The following CSMD1 variants were observed in gnomAD, a reference collection of about 807,000 sequenced individuals.
CSMD1 encodes the protein CUB and Sushi multiple domains 1, also known as CUB and sushi domain-containing protein 1.
In CSMD1, 213 loss-of-function variants were observed where a neutral mutation model predicts 417.5. The ratio of observed to expected loss-of-function variants is 0.51; its 90% CI spans 0.46 to 0.57. The LOEUF is 0.57. Ranked by LOEUF, CSMD1 falls within the 20% of genes least tolerant of loss-of-function variation. The pLI, the probability that CSMD1 is intolerant of heterozygous loss-of-function variation, is 0.00. For missense variants in CSMD1, 6,923 were observed against 4,529.7 expected (o/e 1.53, Z -15.17); for synonymous variants, 2,862 against 1,736.8 (o/e 1.65, Z -16.11).
At chr8:4,514,769 G>C (rs528800397) in intron 2 of CSMD1, among the ~76,000 whole-genome samples, 27 of 152,112 alleles carry the variant, frequency 1.8e-4, no homozygotes, top group South Asian at 4.1e-4. Flanking sequence ...GAATAAAGAA[G>C]ATACACACTC....
intron 7 of CSMD1, among the ~76,000 whole-genome samples, chr8:3,706,528 G>A (rs1469590690): frequency 6.6e-6 from 1 of 152,134 alleles, no homozygotes; most frequent in East Asian, 1.9e-4. Flanking sequence ...AGGACAGAAC[G>A]CTAATACCAA....
At chr8:4,220,110 C>T (rs1800937766) in intron 3 of CSMD1, among the ~76,000 whole-genome samples, 1 of 152,118 alleles carries the variant, frequency 6.6e-6, no homozygotes, top group Admixed American at 6.5e-5. Flanking sequence ...CCACCATGCC[C>T]AGCTGATTTT....
At chr8:3,030,069 C>G (rs544690892) in intron 50 of CSMD1, among the ~76,000 whole-genome samples, 1 of 152,064 alleles carries the variant, frequency 6.6e-6, no homozygotes, top group African/African-American at 2.4e-5. Flanking sequence ...TTTAACAAGT[C>G]TTAAAGGAGA....
At chr8:3,690,025 C>G (rs1452335266) in intron 7 of CSMD1, among the ~76,000 whole-genome samples, 5 of 152,216 alleles carry the variant, frequency 3.3e-5, no homozygotes, top group Admixed American at 3.3e-4. Flanking sequence ...AAATGGAGTT[C>G]TTGCTTTAGC....
rs563504524 is a variant in CSMD1, at chr8:4,348,727, G to C, written c.415+71226C>G. On this transcript the variant is annotated intron_variant, in intron 3 of 69. Coordinates refer to ENST00000635120, the MANE Select transcript of CSMD1 (RefSeq NM_033225.6). ...TTTATACCAGGAGAATTTGATCTTC[G>C]TCTTTAGGAAGACCGTGAGTTAAAA... is the stretch of plus-strand genomic sequence containing the variant. 5.2e-4 allele frequency among the ~76,000 whole-genome samples: 79 copies of C among 151,958 alleles called. 1 individual carries two copies. In the South Asian group the frequency reaches 0.016, roughly 31 times the overall value.
intron 26 of CSMD1, among the ~76,000 whole-genome samples, chr8:3,248,894 A>G (rs560439945): frequency 2.0e-5 from 3 of 152,196 alleles, no homozygotes; most frequent in South Asian, 4.1e-4. Context: ...CCGCAGCTCT[A>G]TGATAAATGC....
intron 3 of CSMD1, among the ~76,000 whole-genome samples, chr8:4,282,587 C>A (rs1585153649): frequency 6.6e-6 from 1 of 152,170 alleles, no homozygotes; most frequent in Non-Finnish European, 1.5e-5. Context: ...ATGAATTGAT[C>A]TTAGAAGATT....
At chr8:3,362,854 C>T (rs1263979393) in intron 20 of CSMD1, among the ~76,000 whole-genome samples, 1 of 152,178 alleles carries the variant, frequency 6.6e-6, no homozygotes, top group Non-Finnish European at 1.5e-5. Flanking sequence ...GTCTCAGCTT[C>T]CATCTTGCAT....
At chr8:3,710,098 T>C (rs559059039) in intron 6 of CSMD1, among the ~76,000 whole-genome samples, 18 of 150,918 alleles carry the variant, frequency 1.2e-4, no homozygotes, top group Non-Finnish European at 1.9e-4. Flanking sequence ...CTACATATAT[T>C]TTACGCATTC....
chr8:4,037,118 T>G (rs548098839), intron 3 of CSMD1, among the ~76,000 whole-genome samples: 7 of 152,240 alleles, frequency 4.6e-5, no homozygotes, highest in African/African-American at 1.7e-4. Flanking sequence ...ATTTTACTTG[T>G]TTTTATTAAT....
chr8:4,238,724 T>C (rs1383915217), intron 3 of CSMD1, among the ~76,000 whole-genome samples: 3 of 152,184 alleles, frequency 2.0e-5, no homozygotes, highest in Admixed American at 6.5e-5. Flanking sequence ...GTCAATATTA[T>C]CCTTCTCTTG....
At chr8:3,472,195 C>T (rs554274877) in intron 11 of CSMD1, among the ~76,000 whole-genome samples, 1 of 152,220 alleles carries the variant, frequency 6.6e-6, no homozygotes, top group South Asian at 2.1e-4. Flanking sequence ...CTCCACTCTA[C>T]TGCAAGGTAT....
At chr8:4,367,744 G>A (rs1242345835) in intron 3 of CSMD1, among the ~76,000 whole-genome samples, 1 of 152,110 alleles carries the variant, frequency 6.6e-6, no homozygotes, top group Admixed American at 6.6e-5. Flanking sequence ...TTTCAGCAGT[G>A]TTTTGTAATT....
chr8:4,116,242 C>A (rs1802139788), intron 3 of CSMD1, among the ~76,000 whole-genome samples: 1 of 151,998 alleles, frequency 6.6e-6, no homozygotes, highest in Non-Finnish European at 1.5e-5. Flanking sequence ...GATCCACAAG[C>A]CTCAGCCTCC....
chr8:3,445,999 T>C (rs773931979), intron 12 of CSMD1, among the ~76,000 whole-genome samples: 3 of 152,110 alleles, frequency 2.0e-5, no homozygotes, highest in Non-Finnish European at 4.4e-5. Context: ...GGGAATGTAA[T>C]GGAAAGTCAA....
intron 2 of CSMD1, among the ~76,000 whole-genome samples, chr8:4,506,057 A>C (rs1056117903): frequency 2.0e-5 from 3 of 152,132 alleles, no homozygotes; most frequent in African/African-American, 7.2e-5. Context: ...TCTAACATGT[A>C]AAGCAATCAA....
chr8:3,498,315 A>C (rs2117327449), intron 10 of CSMD1, among the ~76,000 whole-genome samples: 1 of 152,316 alleles, frequency 6.6e-6, no homozygotes, highest in Middle Eastern at 3.4e-3. Flanking sequence ...TGGTACTTTG[A>C]TACATGTATA....
intron 1 of CSMD1, among the ~76,000 whole-genome samples, chr8:4,703,792 C>A (rs950071251): frequency 6.6e-6 from 1 of 152,112 alleles, no homozygotes; most frequent in African/African-American, 2.4e-5. Flanking sequence ...CGAAGAGACC[C>A]GATCATCAAG....
intron 5 of CSMD1, among the ~76,000 whole-genome samples, chr8:3,973,005 T>C (rs1434063810): frequency 6.6e-6 from 1 of 152,242 alleles, no homozygotes; most frequent in Non-Finnish European, 1.5e-5. Flanking sequence ...AAATTTTACA[T>C]TTATTTTTCT....
Sources: allele counts gnomAD v4.1 joint callset (sites outside exome capture counted in the v4.1 genomes callset), GRCh38; gene constraint gnomAD v4.1.1; transcripts MANE v1.5; gene names NCBI Gene and HGNC (gene_info 2026-07-23, HGNC 2026-07-21).